The following VPS8 variants were observed in gnomAD, a reference collection of about 807,000 sequenced individuals.
The protein encoded by VPS8 is vacuolar protein sorting-associated protein 8 homolog.
A neutral mutation model predicts 216.4 loss-of-function variants in VPS8; 129 were observed. That is an observed-to-expected ratio of 0.60 (90% CI 0.52 to 0.69). The LOEUF (loss-of-function observed/expected upper bound fraction) is 0.69. VPS8 is among the 30% of genes least tolerant of loss of function. The probability of loss-of-function intolerance (pLI) is 0.00; values close to 1 mark genes in which losing one functional copy is unlikely to be tolerated. For missense variants in VPS8, 1,531 were observed against 1,683.5 expected, an observed-to-expected ratio of 0.91 and a Z score of 1.59; for synonymous variants, 571 against 565.4, an observed-to-expected ratio of 1.01 and a Z score of -0.14.
chr3:184,953,002 G>A (rs541644316), intron 36 of VPS8, among the ~76,000 whole-genome samples: 35 of 152,302 alleles, frequency 2.3e-4, no homozygotes, highest in African/African-American at 7.5e-4. Flanking sequence ...AAGAATTCTG[G>A]TTAAAGGTTA....
At chr3:184,991,170 G>A (rs1751850208) in intron 42 of VPS8, among the ~76,000 whole-genome samples, 1 of 152,032 alleles carries the variant, frequency 6.6e-6, no homozygotes, top group Non-Finnish European at 1.5e-5. Context: ...CCACATACAT[G>A]ATACAATAGG....
intron 29 of VPS8, among the ~76,000 whole-genome samples, chr3:184,921,357 G>A (rs1738566745): frequency 6.6e-6 from 1 of 152,162 alleles, no homozygotes; most frequent in Non-Finnish European, 1.5e-5. Flanking sequence ...CAAAATGGCT[G>A]CTCCGGCTCC....
chr3:184,913,146 A>G (rs1009303310), intron 25 of VPS8, among the ~76,000 whole-genome samples: 2 of 152,256 alleles, frequency 1.3e-5, no homozygotes, highest in Non-Finnish European at 2.9e-5. Flanking sequence ...AAAAGTCCAT[A>G]TTACAAATAA....
At chr3:184,850,128 A>G (rs1723973836) in intron 10 of VPS8, 106 bp downstream of exon 10, 2 of 849,944 alleles carry the variant, frequency 2.4e-6, no homozygotes, top group Non-Finnish European at 3.6e-6. Context: ...AAATGTATTT[A>G]ACATGAAGCT....
intron 36 of VPS8, among the ~76,000 whole-genome samples, chr3:184,943,750 A>T (rs1178492794): frequency 6.6e-6 from 1 of 152,194 alleles, no homozygotes; most frequent in African/African-American, 2.4e-5. Context: ...TGCCGCCAAC[A>T]CCTGAGTTAA....
At position 185,051,805 on chromosome 3, in the gene VPS8, C is replaced by T. The variant is rs1194641943; in HGVS notation, c.4138-71C>T. 12 of 1,466,892 alleles carry T rather than the reference C, an allele frequency of 8.2e-6. No individual in the cohort carries two copies. In the South Asian group the frequency reaches 1.0e-4, roughly 12 times the overall value. 90.9% of individuals were successfully genotyped at this position (1,466,892 alleles called of 1,614,324 possible). A position where few individuals can be genotyped will look rare whatever the true frequency, so the allele number is the denominator to read the frequency against. On this transcript the variant is annotated intron_variant, in intron 47 of 47. Coordinates refer to ENST00000625842, the MANE Select transcript of VPS8 (RefSeq NM_001009921.3). The stretch of plus-strand genomic sequence containing the variant: ...AGCACTGTCTCTCATGTATCTGAAG[C>T]AGTGGATTCAGGAGCCTCTCTTCCC...
At chr3:184,868,623 C>T (rs1727791159) in intron 18 of VPS8, among the ~76,000 whole-genome samples, 1 of 152,160 alleles carries the variant, frequency 6.6e-6, no homozygotes, top group African/African-American at 2.4e-5. Flanking sequence ...ATTGCTGTCT[C>T]AAATAAGCTT....
intron 37 of VPS8, among the ~76,000 whole-genome samples, chr3:184,961,360 T>C (rs1052627255): frequency 6.6e-6 from 1 of 152,230 alleles, no homozygotes. Flanking sequence ...CCTCCTGAAT[T>C]GCCCACACAT....
chr3:184,933,482 A>G (rs1397891148), intron 34 of VPS8, among the ~76,000 whole-genome samples: 3 of 151,990 alleles, frequency 2.0e-5, no homozygotes, highest in African/African-American at 7.3e-5. Flanking sequence ...ATATATTGCA[A>G]ATATCTTCTC....
intron 40 of VPS8, among the ~76,000 whole-genome samples, chr3:184,981,773 A>G (rs775808761): frequency 2.6e-4 from 39 of 152,140 alleles, no homozygotes; most frequent in Non-Finnish European, 4.9e-4. Context: ...TTTAGGAAGA[A>G]CACAGAATTT....
At chr3:185,035,501 C>T (rs1758759307) in intron 46 of VPS8, among the ~76,000 whole-genome samples, 1 of 152,076 alleles carries the variant, frequency 6.6e-6, no homozygotes, top group Non-Finnish European at 1.5e-5. Context: ...GAATCAAAAG[C>T]AAAAACAATA....
At chr3:185,050,145 A>G (rs1352003518) in intron 47 of VPS8, among the ~76,000 whole-genome samples, 1 of 147,938 alleles carries the variant, frequency 6.8e-6, no homozygotes, top group Admixed American at 6.7e-5. Flanking sequence ...TTTTTTTGCA[A>G]TTGATCTTCC....
At chr3:185,022,863 AG>A in intron 45 of VPS8, among the ~76,000 whole-genome samples, 1 of 152,192 alleles carries the variant, frequency 6.6e-6, no homozygotes, top group South Asian at 2.1e-4. Context: ...ATCTCTTTCT[AG>A]TTCCCTAAAT....
chr3:184,970,388 C>G (rs1748214500), intron 39 of VPS8, among the ~76,000 whole-genome samples: 1 of 152,072 alleles, frequency 6.6e-6, no homozygotes, highest in Non-Finnish European at 1.5e-5. Context: ...CCTTGTAGTA[C>G]CAGTAGAATG....
Position 184,839,685 on chromosome 3 carries a change from C to T in VPS8, c.481-13C>T, listed in dbSNP as rs561172381. 1.7e-4 allele frequency: 264 copies of T among 1,597,566 alleles called. 2 individuals carry two copies. In the South Asian group the frequency reaches 2.8e-3, roughly 17 times the overall value. ...GTAATGTCTTAAAACGTAATCTTCC[C>T]TTTTGTTTTCAGGCAGTATCCAGTC... On this transcript the variant is annotated splice_polypyrimidine_tract_variant and intron_variant, in intron 6 of 47. Coordinates refer to ENST00000625842, the MANE Select transcript of VPS8 (RefSeq NM_001009921.3).
chr3:184,964,271 A>T (rs1175514080), intron 37 of VPS8, among the ~76,000 whole-genome samples, 197 bp from the exon 38 acceptor site: 1 of 152,066 alleles, frequency 6.6e-6, no homozygotes, highest in Admixed American at 6.6e-5. Context: ...AAATGAGTGA[A>T]TTTGGTCCAG....
At chr3:184,915,179 C>T in intron 27 of VPS8, 126 bp downstream of exon 27, 1 of 1,331,126 alleles carries the variant, frequency 7.5e-7, no homozygotes, top group African/African-American at 1.5e-5. Flanking sequence ...AGAGCTTACA[C>T]ACTATTACTA....
intron 37 of VPS8, among the ~76,000 whole-genome samples, chr3:184,959,881 C>G (rs1746212897): frequency 1.3e-5 from 2 of 151,240 alleles, no homozygotes; most frequent in Non-Finnish European, 2.9e-5. Context: ...TATACATGTG[C>G]ACAACGTGCA....
At chr3:184,945,066 T>C (rs138476585) in intron 36 of VPS8, among the ~76,000 whole-genome samples, 1,653 of 152,244 alleles carry the variant, frequency 0.011, 31 homozygotes, top group African/African-American at 0.038. Flanking sequence ...CTTATATCTT[T>C]GGTTAGTATT....
Sources: allele counts gnomAD v4.1 joint callset (sites outside exome capture counted in the v4.1 genomes callset), GRCh38; gene constraint gnomAD v4.1.1; transcripts MANE v1.5; gene names NCBI Gene and HGNC (gene_info 2026-07-23, HGNC 2026-07-21).